FAM184B: variants seen among roughly 807,000 people sequenced by gnomAD.
FAM184B encodes the protein family with sequence similarity 184 member B.
A neutral mutation model predicts 135.9 loss-of-function variants in FAM184B; 111 were observed. The ratio of observed to expected loss-of-function variants is 0.82; its 90% CI spans 0.70 to 0.96. FAM184B has a LOEUF of 0.96. FAM184B is among the 40% of genes least tolerant of loss of function. The pLI, the probability that FAM184B is intolerant of heterozygous loss-of-function variation, is 0.00. For synonymous variants in FAM184B, 552 were observed against 524.8 expected (o/e 1.05, Z -0.71); for missense variants, 1,375 against 1,323.9 (o/e 1.04, Z -0.60).
intron 1 of FAM184B, among the ~76,000 whole-genome samples, chr4:17,761,102 C>T (rs1718535203): frequency 6.6e-6 from 1 of 152,154 alleles, no homozygotes; most frequent in African/African-American, 2.4e-5. Context: ...AATTATTTGG[C>T]CCAAAACGTC....
rs774253383 is a variant in FAM184B, at chr4:17,658,409, C to T, written c.1978G>A (p.Glu660Lys). 12 of 1,551,518 alleles carry T rather than the reference C, an allele frequency of 7.7e-6. No homozygotes were observed. The highest frequency in any genetic ancestry group is 4.9e-5 in the East Asian group (2 of 40,912). ...CGCAGGGCTCTCTGGTGGGAAGCCT[C>T]GAGCTGGGCTTTCATGGCGTGGTTC... Reference protein sequence around the residue: ...QQNHAMKAQLEASHQRALRML... With the variant: ...QQNHAMKAQLKASHQRALRML... Residue 660 changes from glutamate to lysine, a missense_variant, in exon 10 of 18, where the codon GAG (glutamate) becomes AAG (lysine). Glu to Lys is a moderately conservative substitution (Grantham distance 56). Coordinates refer to ENST00000265018, the MANE Select transcript of FAM184B (RefSeq NM_015688.2).
chr4:17,643,056 C>T (rs1053126507), intron 12 of FAM184B, among the ~76,000 whole-genome samples: 5 of 152,220 alleles, frequency 3.3e-5, no homozygotes, highest in South Asian at 2.1e-4. Flanking sequence ...GTGGGATGCC[C>T]GTGGGCACCC....
At chr4:17,693,612 G>T (rs1463687900) in intron 5 of FAM184B, among the ~76,000 whole-genome samples, 200 bp from the exon 6 acceptor site, 1 of 152,160 alleles carries the variant, frequency 6.6e-6, no homozygotes, top group Non-Finnish European at 1.5e-5. Flanking sequence ...ATATATATAG[G>T]GGTGGGGCGG....
In FAM184B at chr4:17,705,783, C is replaced by A; in HGVS notation, c.1139G>T (p.Cys380Phe). 1.3e-6 allele frequency: 2 copies of A among 1,551,870 alleles called. No homozygotes were observed. The highest frequency in any genetic ancestry group is 1.7e-6 in the Non-Finnish European group (2 of 1,147,024). ...PQQDQSCLKE[C>F]PCMKGGTDMQ... ...ATCTGTGCCTCCTTTCATGCAAGGG[C>A]ACTCCTTGAGACAGCTTTGATCCTG... Residue 380 changes from cysteine to phenylalanine, a missense_variant, in exon 4 of 18, where the codon TGC becomes TTC. Transcript: ENST00000265018.
At position 17,709,429 on chromosome 4, in the gene FAM184B, C is replaced by T; in HGVS notation, c.357G>A (p.Leu119=). The T allele has an allele frequency of 6.6e-7, 1 of 1,519,862 alleles. No homozygotes were observed. Among genetic ancestry groups the T allele is most frequent in the Non-Finnish European group, 8.9e-7 (1 of 1,128,632 alleles). The allele number at this position is 1,519,862 out of a possible 1,614,324, so 94.1% of individuals were successfully genotyped here. A position where few individuals can be genotyped will look rare whatever the true frequency, so the allele number is the denominator to read the frequency against. ...ELQKRLTEEA[L]AESASCRLET... is the part of the protein sequence containing the mutation. ...CCAGCCTGCACGAGGCCGACTCAGC[C>T]AGCGCCTCCTCCGTCAGCCTCTTTT... is the stretch of plus-strand genomic sequence containing the variant. Residue 119 remains leucine, a synonymous_variant, in exon 2 of 18, where the codon CTG becomes CTA. Coordinates refer to ENST00000265018, the MANE Select transcript of FAM184B (RefSeq NM_015688.2).
chr4:17,776,126 C>T (rs1241412958), intron 1 of FAM184B, among the ~76,000 whole-genome samples: 1 of 152,122 alleles, frequency 6.6e-6, no homozygotes, highest in Non-Finnish European at 1.5e-5. Flanking sequence ...ATATTTACTA[C>T]ACTACCACAT....
chr4:17,748,115 A>AG lies in FAM184B; in HGVS notation c.141+33043_141+33044insC, dbSNP rs954267942. Among the ~76,000 whole-genome samples the AG allele has an allele frequency of 6.0e-5, 9 of 150,300 alleles. 1 individual carries two copies. Among genetic ancestry groups the AG allele is most frequent in the Middle Eastern group, 3.4e-3 (1 of 294 alleles). On this transcript the variant is annotated intron_variant, in intron 1 of 17. Transcript: ENST00000265018. ...AAAGACTCCGTCTGAAAAAAAAAAAAAAAAAAAAGAAAAGAAAGAGTCAGA... is the reference window on the plus strand; with the variant it reads ...AAAGACTCCGTCTGAAAAAAAAAAAAGAAAAAAAAGAAAAGAAAGAGTCAGA...
chr4:17,664,240 A>T (rs1663944715), intron 8 of FAM184B, among the ~76,000 whole-genome samples: 1 of 152,208 alleles, frequency 6.6e-6, no homozygotes, highest in African/African-American at 2.4e-5. Context: ...ATACCCCCTA[A>T]TTAAAGAACA....
chr4:17,705,649 A>G, intron 4 of FAM184B, 103 bp downstream of exon 4: 2 of 1,361,638 alleles, frequency 1.5e-6, no homozygotes, highest in East Asian at 5.0e-5. Flanking sequence ...TTCTGATTCC[A>G]AGTGGATCCA....
Position 17,781,360 on chromosome 4 carries a change from G to C in FAM184B, c.-61C>G. 3.5e-6 allele frequency: 5 copies of C among 1,424,062 alleles called. 1 individual carries two copies. The South Asian group carries it at 5.8e-5, about 16-fold the overall frequency. 88.2% of individuals were successfully genotyped at this position (1,424,062 alleles called of 1,614,324 possible). Reference sequence around the variant, plus strand: ...TTCTCCCTGCCCACCGTGTGCACGTGCGTGCGCGCGCGGGCGTGCGAGCGT... The same window carrying C: ...TTCTCCCTGCCCACCGTGTGCACGTCCGTGCGCGCGCGGGCGTGCGAGCGT... On this transcript the variant is annotated 5_prime_UTR_variant, in exon 1 of 18. Transcript: ENST00000265018. The surrounding 1 kb of genome is among the most constrained non-coding windows in gnomAD (Gnocchi z 6.5).
intron 1 of FAM184B, among the ~76,000 whole-genome samples, chr4:17,710,298 T>A (rs2108967005): frequency 6.6e-6 from 1 of 151,270 alleles, no homozygotes; most frequent in African/African-American, 2.4e-5. Context: ...CACTCCAGCC[T>A]GGGCAAAAAA....
intron 10 of FAM184B, among the ~76,000 whole-genome samples, chr4:17,655,096 T>C (rs977969881): frequency 2.6e-5 from 4 of 152,200 alleles, no homozygotes; most frequent in African/African-American, 4.8e-5. Flanking sequence ...TCCTCCCGCA[T>C]TGGCCTCCCA....
rs1351935915 is a variant in FAM184B at position 17,632,599 on chromosome 4, G to T, written c.3116C>A (p.Ala1039Asp). ...GCCCTGTTTCTGCTGGACTTCTTTGGCTTGGGCCGTTTCACCATCTGGGGT... is the reference window on the plus strand; with the variant it reads ...GCCCTGTTTCTGCTGGACTTCTTTGTCTTGGGCCGTTTCACCATCTGGGGT... ...TRTPDGETAQAKEVQQKQGSP... is the reference protein window; with the variant it reads ...TRTPDGETAQDKEVQQKQGSP... Residue 1039 changes from alanine to aspartate, a missense_variant, in exon 18 of 18, where the codon GCC becomes GAC. Ala to Asp is a moderately radical substitution (Grantham distance 126). Transcript: ENST00000265018. 2.6e-6 allele frequency: 4 copies of T among 1,551,036 alleles called. No homozygotes were observed. Among genetic ancestry groups the T allele is most frequent in the Admixed American group, 3.9e-5 (2 of 50,916 alleles).
intron 1 of FAM184B, among the ~76,000 whole-genome samples, chr4:17,756,395 T>C (rs1248195756): frequency 1.3e-5 from 2 of 152,162 alleles, no homozygotes; most frequent in Admixed American, 1.3e-4. Flanking sequence ...ACATATGAAA[T>C]ATTATGTCAT....
intron 1 of FAM184B, among the ~76,000 whole-genome samples, chr4:17,729,362 G>A (rs541474707): frequency 3.0e-4 from 46 of 152,334 alleles, no homozygotes; most frequent in African/African-American, 1.1e-3. Context: ...AACCTCTGCA[G>A]ACTTAAATGT....
chr4:17,765,286 C>T (rs148796135), intron 1 of FAM184B, among the ~76,000 whole-genome samples: 2 of 152,058 alleles, frequency 1.3e-5, no homozygotes, highest in Non-Finnish European at 2.9e-5. Flanking sequence ...TTCAAATCTT[C>T]CTAATATTCT....
At chr4:17,744,907 AAGAGGTGAAGAGTTGTCTAAAGG>A (rs1027571689) in intron 1 of FAM184B, among the ~76,000 whole-genome samples, 1 of 152,174 alleles carries the variant, frequency 6.6e-6, no homozygotes, top group African/African-American at 2.4e-5. Flanking sequence ...AGGCAGCTGG[AAGAGGTGAAGAGTTGTCTAAAGG>A]AGGCAGTAGG....
At chr4:17,637,878 T>C (rs1255004277) in intron 14 of FAM184B, among the ~76,000 whole-genome samples, 1 of 152,106 alleles carries the variant, frequency 6.6e-6, no homozygotes, top group Non-Finnish European at 1.5e-5. Flanking sequence ...TCAGGCCATG[T>C]CACTCCTGCC....
intron 13 of FAM184B, among the ~76,000 whole-genome samples, chr4:17,640,307 C>G (rs75174934): frequency 0.56 from 75,627 of 136,186 alleles, 22,362 homozygotes; most frequent in East Asian, 0.88. Flanking sequence ...CTCGTCTCTA[C>G]TAAAAATACA....
Sources: gnomAD v4.1 joint callset for allele counts (sites outside exome capture counted in the v4.1 genomes callset) on GRCh38, gnomAD v4.1.1 for gene constraint, Gnocchi (gnomAD v3.1) non-coding constraint, MANE v1.5 for transcripts, NCBI Gene and HGNC (gene_info 2026-07-23, HGNC 2026-07-21) for gene names.